Variants in DIAPH3 observed in about 807,000 individuals in gnomAD.
DIAPH3 encodes protein diaphanous homolog 3.
A neutral mutation model predicts 144.3 loss-of-function variants in DIAPH3; 117 were observed. That is an observed-to-expected ratio of 0.81 (90% confidence interval 0.70 to 0.95). The LOEUF (loss-of-function observed/expected upper bound fraction) is 0.95, where lower values mean the gene tolerates loss of function less well. Among genes scored for constraint, DIAPH3 ranks in the 40% least tolerant of loss-of-function variants. DIAPH3 has a pLI of 0.00. For missense variants in DIAPH3, 1,421 were observed against 1,412.7 expected (o/e 1.01, Z -0.09); for synonymous variants, 519 against 488.9 (o/e 1.06, Z -0.81).
chr13:59,731,966 C>T (rs2035910733), intron 27 of DIAPH3, among the ~76,000 whole-genome samples: 1 of 152,094 alleles, frequency 6.6e-6, no homozygotes, highest in South Asian at 2.1e-4. Flanking sequence ...ATTATGAGAA[C>T]TGATTCACTG....
rs146404436 is a variant in DIAPH3, at chr13:60,125,693, A to T, written c.213+7264T>A. On this transcript the variant is annotated intron_variant, in intron 2 of 27. Coordinates refer to ENST00000400324, the MANE Select transcript of DIAPH3 (RefSeq NM_001042517.2). The stretch of plus-strand genomic sequence containing the variant: ...ATGAAGGCCTTATCTGCCATGTTAG[A>T]CTTGACCTATATAAAACAGTTGCAA... Among the ~76,000 whole-genome samples the T allele has an allele frequency of 2.1e-3, 313 of 152,264 alleles. 2 individuals carry two copies. The highest frequency in any genetic ancestry group is 4.1e-3 in the Admixed American group (63 of 15,296).
At chr13:59,917,285 G>A (rs2047265935) in intron 18 of DIAPH3, among the ~76,000 whole-genome samples, 1 of 152,108 alleles carries the variant, frequency 6.6e-6, no homozygotes, top group Non-Finnish European at 1.5e-5. Flanking sequence ...TAAGGAACTT[G>A]AGCATCTGTG....
At chr13:59,737,940 G>GTGCA (rs1272181660) in intron 27 of DIAPH3, among the ~76,000 whole-genome samples, 1 of 152,118 alleles carries the variant, frequency 6.6e-6, no homozygotes, top group African/African-American at 2.4e-5. Context: ...GCCGAGGTGG[G>GTGCA]TGCATCAGTT....
intron 1 of DIAPH3, among the ~76,000 whole-genome samples, chr13:60,149,472 T>C (rs1951683255): frequency 6.6e-6 from 1 of 152,102 alleles, no homozygotes; most frequent in South Asian, 2.1e-4. Context: ...ACAAAAGAGC[T>C]AGGTGCAGTG....
chr13:59,687,865 A>G (rs565491400), intron 27 of DIAPH3, among the ~76,000 whole-genome samples: 1 of 152,218 alleles, frequency 6.6e-6, no homozygotes, highest in Non-Finnish European at 1.5e-5. Context: ...ATAGATATTA[A>G]CAACTAAAAC....
At chr13:59,913,744 G>A (rs531530089) in intron 19 of DIAPH3, among the ~76,000 whole-genome samples, 9 of 152,096 alleles carry the variant, frequency 5.9e-5, no homozygotes, top group Non-Finnish European at 1.3e-4. Flanking sequence ...AATCACTTGA[G>A]GTCAAGAGTT....
At chr13:59,887,635 C>T (rs1012287379) in intron 20 of DIAPH3, among the ~76,000 whole-genome samples, 1 of 151,970 alleles carries the variant, frequency 6.6e-6, no homozygotes, top group Non-Finnish European at 1.5e-5. Context: ...TATGGTCTAC[C>T]TTGGTAAACA....
intron 4 of DIAPH3, among the ~76,000 whole-genome samples, chr13:60,046,775 T>C (rs1594501726): frequency 6.6e-6 from 1 of 152,092 alleles, no homozygotes; most frequent in African/African-American, 2.4e-5. Context: ...ATATACACCA[T>C]GGAATACTAT....
intron 20 of DIAPH3, among the ~76,000 whole-genome samples, chr13:59,894,745 C>T (rs534760194): frequency 9.2e-5 from 14 of 152,026 alleles, no homozygotes; most frequent in Admixed American, 1.3e-4. Context: ...AATACAGTGT[C>T]AAGGAAACTT....
intron 1 of DIAPH3, among the ~76,000 whole-genome samples, chr13:60,157,246 C>G (rs577130799): frequency 6.6e-6 from 1 of 152,148 alleles, no homozygotes; most frequent in South Asian, 2.1e-4. Flanking sequence ...TACCCAACCC[C>G]TTCCTATATT....
intron 5 of DIAPH3, among the ~76,000 whole-genome samples, chr13:60,018,838 A>G (rs422058): frequency 0.56 from 85,620 of 151,842 alleles, 24,756 homozygotes; most frequent in African/African-American, 0.62. Flanking sequence ...GAAAACTGAG[A>G]CACCTGACAA....
At chr13:60,065,675 T>G (rs952279916) in intron 4 of DIAPH3, among the ~76,000 whole-genome samples, 1 of 152,234 alleles carries the variant, frequency 6.6e-6, no homozygotes, top group Non-Finnish European at 1.5e-5. Flanking sequence ...TTTCCATTTC[T>G]GGAGTTGATC....
At chr13:59,717,038 A>G (rs77945812) in intron 27 of DIAPH3, among the ~76,000 whole-genome samples, 3,575 of 152,278 alleles carry the variant, frequency 0.023, 56 homozygotes, top group Non-Finnish European at 0.037. Context: ...CAACAGAAAC[A>G]AAGAACAGTA....
At chr13:59,909,049 G>A (rs2046868811) in intron 20 of DIAPH3, among the ~76,000 whole-genome samples, 1 of 152,142 alleles carries the variant, frequency 6.6e-6, no homozygotes, top group Non-Finnish European at 1.5e-5. Flanking sequence ...AGGCAAGGAT[G>A]TCTTGTAGAA....
chr13:60,109,431 A>T (rs1308516545), intron 3 of DIAPH3, among the ~76,000 whole-genome samples: 1 of 60,728 alleles, frequency 1.6e-5, no homozygotes, highest in Non-Finnish European at 3.3e-5. Context: ...CCCCGACCCC[A>T]ATCTAGTCTT....
At chr13:60,079,365 C>T (rs1341324796) in intron 4 of DIAPH3, among the ~76,000 whole-genome samples, 8 of 151,950 alleles carry the variant, frequency 5.3e-5, no homozygotes, top group African/African-American at 1.9e-4. Context: ...CAAGAGTTGA[C>T]TTTTTGTACC....
intron 4 of DIAPH3, among the ~76,000 whole-genome samples, chr13:60,053,006 G>C (rs1304781944): frequency 1.0e-5 from 1 of 95,714 alleles, no homozygotes; most frequent in South Asian, 3.6e-4. Context: ...AAGAAGAAAA[G>C]TCACACACAC....
At chr13:60,072,794 A>G (rs2057255490) in intron 4 of DIAPH3, among the ~76,000 whole-genome samples, 1 of 152,200 alleles carries the variant, frequency 6.6e-6, no homozygotes, top group South Asian at 2.1e-4. Flanking sequence ...AGATGCTTTA[A>G]CAAATATATC....
intron 5 of DIAPH3, among the ~76,000 whole-genome samples, chr13:60,026,201 A>T (rs957881512): frequency 6.6e-6 from 1 of 152,082 alleles, no homozygotes; most frequent in Non-Finnish European, 1.5e-5. Context: ...TTCTTTCCAA[A>T]TCCATTCCTG....
Sources: gnomAD v4.1 joint callset for allele counts (sites outside exome capture counted in the v4.1 genomes callset) on GRCh38, gnomAD v4.1.1 for gene constraint, MANE v1.5 for transcripts, NCBI Gene and HGNC (gene_info 2026-07-23, HGNC 2026-07-21) for gene names.